Variants in TERB2 observed in about 807,000 individuals in gnomAD.
TERB2 encodes telomere repeat binding bouquet formation protein 2.
In TERB2, 26 loss-of-function variants were observed where a neutral mutation model predicts 29.8. The observed-to-expected ratio is 0.87, with a 90% CI of 0.64 to 1.21. TERB2 has a LOEUF of 1.21. TERB2 is among the 50% of genes most tolerant of loss of function. The probability of loss-of-function intolerance (pLI) is 0.00; values close to 1 mark genes in which losing one functional copy is unlikely to be tolerated. For missense variants in TERB2, 240 were observed against 268.6 expected, an observed-to-expected ratio of 0.89 and a Z score of 0.74; for synonymous variants, 80 against 90.8, an observed-to-expected ratio of 0.88 and a Z score of 0.68.
intron 5 of TERB2, among the ~76,000 whole-genome samples, chr15:44,969,211 T>G (rs1891932965): frequency 6.6e-6 from 1 of 152,024 alleles, no homozygotes; most frequent in South Asian, 2.1e-4. Flanking sequence ...TCAAGCAACT[T>G]TCGTGCCTCA....
intron 5 of TERB2, among the ~76,000 whole-genome samples, chr15:44,966,782 T>C (rs1891896680): frequency 6.6e-6 from 1 of 152,186 alleles, no homozygotes; most frequent in Non-Finnish European, 1.5e-5. Context: ...TCTTTCCAAA[T>C]TGCTTTAATA....
At chr15:44,963,506 T>TA (rs965527912) in intron 4 of TERB2, among the ~76,000 whole-genome samples, 10 of 151,942 alleles carry the variant, frequency 6.6e-5, no homozygotes, top group Non-Finnish European at 1.3e-4. Flanking sequence ...TTAAGAGACA[T>TA]AAAAAAGAGG....
At chr15:44,977,693 T>C (rs1892065871) in intron 6 of TERB2, among the ~76,000 whole-genome samples, 1 of 152,182 alleles carries the variant, frequency 6.6e-6, no homozygotes, top group Non-Finnish European at 1.5e-5. Context: ...TTAAACAATA[T>C]GCATGGATAT....
At chr15:44,965,572 A>G (rs1177737620) in intron 4 of TERB2, among the ~76,000 whole-genome samples, 2 of 144,180 alleles carry the variant, frequency 1.4e-5, no homozygotes, top group African/African-American at 5.0e-5. Context: ...TCTATATATT[A>G]TATAAATCTA....
intron 6 of TERB2, among the ~76,000 whole-genome samples, chr15:44,978,030 C>T (rs747799144): frequency 3.3e-5 from 5 of 152,042 alleles, no homozygotes; most frequent in Non-Finnish European, 7.4e-5. Context: ...TTTTCATTAA[C>T]TTTTTTTGTT....
Position 44,967,056 on chromosome 15 carries a change from G to A in TERB2, c.434+813G>A, listed in dbSNP as rs187871199. On this transcript the variant is annotated intron_variant, in intron 5 of 6. Transcript: ENST00000340827. ...TGAGACCGCAGTGAGCCGTGATCAC[G>A]CCACTGCACTCTAGCCTGGGTGACA... 1.6e-3 allele frequency among the ~76,000 whole-genome samples: 245 copies of A among 152,258 alleles called. 3 individuals carry two copies. Among genetic ancestry groups the A allele is most frequent in the African/African-American group, 5.6e-3 (231 of 41,530 alleles).
intron 4 of TERB2, among the ~76,000 whole-genome samples, chr15:44,962,347 A>ATTT (rs34169916): frequency 1.2e-4 from 16 of 137,080 alleles, no homozygotes; most frequent in African/African-American, 2.9e-4. Flanking sequence ...AAGCCCAGCT[A>ATTT]TTTTTTTTTT....
intron 4 of TERB2, among the ~76,000 whole-genome samples, chr15:44,963,290 C>A (rs1891834807): frequency 6.6e-6 from 1 of 152,170 alleles, no homozygotes; most frequent in Admixed American, 6.5e-5. Flanking sequence ...AGCAACCTTT[C>A]ATTATGTTCA....
intron 2 of TERB2, 96 bp from the exon 3 acceptor site, chr15:44,958,277 C>T (rs550604273): frequency 3.0e-5 from 41 of 1,384,954 alleles, no homozygotes; most frequent in Middle Eastern, 2.4e-4. Flanking sequence ...TCAATGTAAT[C>T]GTCTCCCTAC....
At chr15:44,963,132 A>G (rs1023241896) in intron 4 of TERB2, among the ~76,000 whole-genome samples, 2 of 152,240 alleles carry the variant, frequency 1.3e-5, no homozygotes, top group African/African-American at 4.8e-5. Context: ...TGATTTAGAT[A>G]AGGTCATTAA....
chr15:44,960,192 A>C (rs1566944400), intron 3 of TERB2, among the ~76,000 whole-genome samples: 1 of 152,234 alleles, frequency 6.6e-6, no homozygotes, highest in Non-Finnish European at 1.5e-5. Flanking sequence ...GTTAACATGT[A>C]TTTAAATTTT....
chr15:44,968,423 GT>G (rs1891919981), intron 5 of TERB2, among the ~76,000 whole-genome samples: 1 of 151,902 alleles, frequency 6.6e-6, no homozygotes, highest in Non-Finnish European at 1.5e-5. Flanking sequence ...GTTTGGCCAT[GT>G]TGCCCAGGCT....
At chr15:44,965,374 G>A (rs1177086359) in intron 4 of TERB2, among the ~76,000 whole-genome samples, 2 of 145,850 alleles carry the variant, frequency 1.4e-5, no homozygotes, top group Non-Finnish European at 3.0e-5. Context: ...CCTTTTGAAG[G>A]AGAAATATAA....
At chr15:44,968,337 TCCC>T (rs1040705123) in intron 5 of TERB2, among the ~76,000 whole-genome samples, 1 of 151,940 alleles carries the variant, frequency 6.6e-6, no homozygotes, top group Admixed American at 6.6e-5. Context: ...TGCCTTGGCC[TCCC>T]GAGCAGCTGG....
At chr15:44,977,982 T>C (rs1256655367) in intron 6 of TERB2, among the ~76,000 whole-genome samples, 3 of 152,208 alleles carry the variant, frequency 2.0e-5, no homozygotes, top group African/African-American at 7.2e-5. Context: ...AAAATTACTC[T>C]CACCCATTAT....
intron 4 of TERB2, among the ~76,000 whole-genome samples, chr15:44,965,595 AT>A (rs1016483185): frequency 6.9e-6 from 1 of 144,516 alleles, no homozygotes; most frequent in African/African-American, 2.5e-5. Flanking sequence ...TATCATATAG[AT>A]TTATATATTT....
Position 44,965,162 on chromosome 15 carries a change from C to CAA in TERB2, c.349-971_349-970dup, listed in dbSNP as rs66756472. On this transcript the variant is annotated intron_variant, in intron 4 of 6. Coordinates refer to ENST00000340827, the MANE Select transcript of TERB2 (RefSeq NM_152448.3). ...TGGGTGACAGAGCAAGACTCTGTCTCAAAAAAAAAAAAAAAAAAAAAAAAA... is the reference window on the plus strand; with the variant it reads ...TGGGTGACAGAGCAAGACTCTGTCTCAAAAAAAAAAAAAAAAAAAAAAAAAAA... Among the ~76,000 whole-genome samples, 327 of 48,698 alleles carry CAA rather than the reference C, an allele frequency of 6.7e-3. 26 individuals are homozygous for CAA. The highest frequency in any genetic ancestry group is 7.6e-3 in the Non-Finnish European group (231 of 30,298). 31.9% of individuals were successfully genotyped at this position (48,698 alleles called of 152,430 possible).
Position 44,970,434 on chromosome 15 carries a change from A to C in TERB2, c.435-3433A>C, listed in dbSNP as rs1191871583. 1.8e-4 allele frequency: 38 copies of C among 216,776 alleles called. No homozygotes were observed. In the Admixed American group the frequency reaches 1.8e-3, roughly 10 times the overall value. The allele number at this position is 216,776 out of a possible 1,614,324, so 13.4% of individuals were successfully genotyped here. A position where few individuals can be genotyped will look rare whatever the true frequency, so the allele number is the denominator to read the frequency against. On this transcript the variant is annotated intron_variant, in intron 5 of 6. Transcript: ENST00000340827. ...TCTTACTGAGGTGCAGGCTTTCTTG[A>C]TTGCAGTTGGGGTTTCCAGTTTTCT... is the stretch of plus-strand genomic sequence containing the variant.
chr15:44,966,356 T>C, intron 5 of TERB2, 113 bp downstream of exon 5: 1 of 496,486 alleles, frequency 2.0e-6, no homozygotes, highest in Non-Finnish European at 3.3e-6. Flanking sequence ...GATAGCATTA[T>C]AATCATTCCC....
Sources: allele counts gnomAD v4.1 joint callset (sites outside exome capture counted in the v4.1 genomes callset), GRCh38; gene constraint gnomAD v4.1.1; transcripts MANE v1.5; gene names NCBI Gene and HGNC (gene_info 2026-07-23, HGNC 2026-07-21).